ZNF831: variants seen among roughly 807,000 people sequenced by gnomAD.
ZNF831 encodes the protein zinc finger protein 831.
In ZNF831, 59 loss-of-function variants were observed where a neutral mutation model predicts 95.8. That is an observed-to-expected ratio of 0.62 (90% confidence interval 0.50 to 0.77). The LOEUF (loss-of-function observed/expected upper bound fraction) is 0.77, where lower values mean the gene tolerates loss of function less well. ZNF831 is among the 30% of genes least tolerant of loss of function. The probability of loss-of-function intolerance (pLI) is 0.00; values close to 1 mark genes in which losing one functional copy is unlikely to be tolerated. For missense variants in ZNF831, 2,205 were observed against 2,164.0 expected, an observed-to-expected ratio of 1.02 and a Z score of -0.38; for synonymous variants, 961 against 925.5, an observed-to-expected ratio of 1.04 and a Z score of -0.70.
intron 1 of ZNF831, among the ~76,000 whole-genome samples, chr20:59,135,245 G>A (rs1375403333): frequency 1.3e-5 from 2 of 152,178 alleles, no homozygotes; most frequent in Non-Finnish European, 2.9e-5. Context: ...TCCAGGAATA[G>A]CATGTCTCAG....
Position 59,249,475 on chromosome 20 carries a change from C to G in ZNF831, c.4028-3503C>G, listed in dbSNP as rs1453882591. Reference sequence around the variant, plus strand: ...TTCTCTTTCCCCATTACAGTAGAAGCTCTTGAGGGCCAGCGTCACCTTTGT... The same window carrying G: ...TTCTCTTTCCCCATTACAGTAGAAGGTCTTGAGGGCCAGCGTCACCTTTGT... On this transcript the variant is annotated intron_variant, in intron 4 of 5. Coordinates refer to ENST00000371030, the MANE Select transcript of ZNF831 (RefSeq NM_178457.3). Among the ~76,000 whole-genome samples, 4 of 152,156 alleles carry G rather than the reference C, an allele frequency of 2.6e-5. No individual in the cohort carries two copies. In the East Asian group the frequency reaches 7.7e-4, roughly 29 times the overall value.
intron 4 of ZNF831, among the ~76,000 whole-genome samples, chr20:59,252,132 C>G (rs1012448704): frequency 2.4e-4 from 36 of 152,176 alleles, no homozygotes; most frequent in African/African-American, 8.2e-4. Context: ...CATGAAGGAG[C>G]TAAAAGTCAA....
intron 2 of ZNF831, among the ~76,000 whole-genome samples, chr20:59,156,818 C>T (rs1398982592): frequency 2.0e-5 from 3 of 152,224 alleles, no homozygotes; most frequent in Non-Finnish European, 2.9e-5. Flanking sequence ...CTGGGCCCCT[C>T]TGTGTTGTTG....
At chr20:59,161,720 C>T (rs1054113152), upstream of ZNF831, among the ~76,000 whole-genome samples, 1 of 152,218 alleles carries the variant, frequency 6.6e-6, no homozygotes, top group African/African-American at 2.4e-5. Flanking sequence ...CTGTGATAAA[C>T]ATACGAGTGC....
intron 4 of ZNF831, among the ~76,000 whole-genome samples, chr20:59,246,915 C>T (rs1987639401): frequency 6.6e-6 from 1 of 152,232 alleles, no homozygotes; most frequent in Admixed American, 6.5e-5. Context: ...GCTCACCGCC[C>T]ACTGACTTCT....
chr20:59,184,139 G>T (rs558661367), intron 1 of ZNF831, among the ~76,000 whole-genome samples: 10 of 152,244 alleles, frequency 6.6e-5, no homozygotes, highest in African/African-American at 1.9e-4. Flanking sequence ...AGTCTTTTCA[G>T]ATTGGCTTCT....
At chr20:59,181,353 T>C (rs1448172033) in intron 1 of ZNF831, among the ~76,000 whole-genome samples, 1 of 152,224 alleles carries the variant, frequency 6.6e-6, no homozygotes, top group Non-Finnish European at 1.5e-5. Flanking sequence ...GCTTCTGTTG[T>C]TGTGCAGAAG....
At chr20:59,127,735 G>A (rs1411879610) in intron 1 of ZNF831, among the ~76,000 whole-genome samples, 1 of 152,240 alleles carries the variant, frequency 6.6e-6, no homozygotes, top group Non-Finnish European at 1.5e-5. Flanking sequence ...CAAGGGCAGG[G>A]CCTGGGTTGT....
At chr20:59,189,937 A>G (rs1003586688) in intron 1 of ZNF831, among the ~76,000 whole-genome samples, 21 of 152,298 alleles carry the variant, frequency 1.4e-4, no homozygotes, top group Non-Finnish European at 2.6e-4. Context: ...GGTGATGGGT[A>G]TCTGTGGAAA....
intron 1 of ZNF831, among the ~76,000 whole-genome samples, chr20:59,129,638 CA>C: frequency 6.6e-6 from 1 of 152,222 alleles, no homozygotes; most frequent in South Asian, 2.1e-4. Context: ...GACAAACAAA[CA>C]AACAACACAG....
At chr20:59,128,351 A>G (rs1206034335) in intron 1 of ZNF831, among the ~76,000 whole-genome samples, 2 of 152,174 alleles carry the variant, frequency 1.3e-5, no homozygotes, top group African/African-American at 4.8e-5. Flanking sequence ...TTCCTCTTCC[A>G]TCTGTCTTCC....
At chr20:59,224,594 G>A (rs1986316167) in intron 4 of ZNF831, among the ~76,000 whole-genome samples, 1 of 152,218 alleles carries the variant, frequency 6.6e-6, no homozygotes, top group Non-Finnish European at 1.5e-5. Flanking sequence ...CTGGGCAACT[G>A]CTAGGCATTA....
intron 1 of ZNF831, among the ~76,000 whole-genome samples, chr20:59,164,524 T>C (rs1332840247): frequency 6.6e-6 from 1 of 152,198 alleles, no homozygotes; most frequent in Non-Finnish European, 1.5e-5. Flanking sequence ...ATGAACCTAA[T>C]TAAACTGAAA....
intron 4 of ZNF831, among the ~76,000 whole-genome samples, chr20:59,245,643 G>A (rs1987557960): frequency 6.6e-6 from 1 of 152,138 alleles, no homozygotes; most frequent in Admixed American, 6.5e-5. Context: ...CCCTTGCTTC[G>A]GAACCACTGG....
chr20:59,140,605 T>C (rs1979648710), intron 1 of ZNF831, among the ~76,000 whole-genome samples: 1 of 152,194 alleles, frequency 6.6e-6, no homozygotes, highest in Non-Finnish European at 1.5e-5. Flanking sequence ...TTTCCTCCAA[T>C]GCTAACGTCT....
intron 1 of ZNF831, among the ~76,000 whole-genome samples, chr20:59,124,102 G>A (rs1979088427): frequency 6.6e-6 from 1 of 152,182 alleles, no homozygotes; most frequent in African/African-American, 2.4e-5. Context: ...AAAATAATCT[G>A]TGTTGGTGGC....
upstream of ZNF831, chr20:59,159,675 TGACAA>T (rs1216283729): frequency 6.6e-6 from 1 of 152,168 alleles, no homozygotes; most frequent in Non-Finnish European, 1.5e-5. Context: ...CAACCTCTTC[TGACAA>T]TGGAGAGAGC....
intron 1 of ZNF831, among the ~76,000 whole-genome samples, chr20:59,186,681 T>G (rs1208090097): frequency 1.3e-5 from 2 of 152,248 alleles, no homozygotes; most frequent in African/African-American, 4.8e-5. Flanking sequence ...TAAGCCTTTA[T>G]CTTCCATTCC....
At chr20:59,224,583 G>C (rs1322044722) in intron 4 of ZNF831, among the ~76,000 whole-genome samples, 1 of 152,234 alleles carries the variant, frequency 6.6e-6, no homozygotes, top group African/African-American at 2.4e-5. Context: ...GTAGCTGTTT[G>C]CTGGGCAACT....
Sources: gnomAD v4.1 joint callset for allele counts (sites outside exome capture counted in the v4.1 genomes callset) on GRCh38, gnomAD v4.1.1 for gene constraint, MANE v1.5 for transcripts, NCBI Gene and HGNC (gene_info 2026-07-23, HGNC 2026-07-21) for gene names.